Variants in CD247 observed in about 807,000 individuals in gnomAD.
CD247 encodes the protein CD247 molecule, also known as T-cell surface glycoprotein CD3 zeta chain.
CD247 carries 13 observed loss-of-function variants against 30.0 expected under a neutral mutation model. The ratio of observed to expected loss-of-function variants is 0.43; its 90% CI spans 0.28 to 0.69. The LOEUF is 0.69. Among genes scored for constraint, CD247 ranks in the 30% least tolerant of loss-of-function variants. The pLI, the probability that CD247 is intolerant of heterozygous loss-of-function variation, is 0.16. For synonymous variants in CD247, 72 were observed against 80.0 expected (o/e 0.90, Z 0.53); for missense variants, 193 against 212.6 (o/e 0.91, Z 0.57).
intron 1 of CD247, among the ~76,000 whole-genome samples, chr1:167,504,846 G>C (rs770692965): frequency 2.9e-4 from 44 of 152,288 alleles, no homozygotes; most frequent in Non-Finnish European, 4.4e-4. Context: ...TACCTTTTGG[G>C]ATCTCATCCG....
At chr1:167,510,371 C>G (rs1655336100) in intron 1 of CD247, among the ~76,000 whole-genome samples, 1 of 152,220 alleles carries the variant, frequency 6.6e-6, no homozygotes, top group Non-Finnish European at 1.5e-5. Flanking sequence ...GGCACAGACA[C>G]CTGCAACCAC....
At chr1:167,474,479 A>T (rs1318404124) in intron 1 of CD247, among the ~76,000 whole-genome samples, 1 of 152,086 alleles carries the variant, frequency 6.6e-6, no homozygotes, top group African/African-American at 2.4e-5. Flanking sequence ...TTTTTAGATA[A>T]CAGTGGCCAG....
intron 1 of CD247, 30 bp downstream of exon 1, chr1:167,518,378 A>T: frequency 6.2e-7 from 1 of 1,612,140 alleles, no homozygotes; most frequent in Non-Finnish European, 8.5e-7. Flanking sequence ...AGTTTCTAGA[A>T]GTTCCCTGCC....
In CD247 at chr1:167,434,036, A is replaced by G. The variant is rs1280232586; in HGVS notation, c.377T>C (p.Ile126Thr). ...AACACTCACCTCGCCTTTCATCCCA[A>G]TCTCACTGTAGGCCTCCGCCATCTT... ...KDKMAEAYSE[I>T]GMKGERRRGK... Residue 126 changes from isoleucine (I) to threonine (T), a missense_variant, in exon 6 of 8, where the codon ATT (isoleucine) becomes ACT (threonine). Coordinates refer to ENST00000362089, the MANE Select transcript of CD247 (RefSeq NM_198053.3). The G allele has an allele frequency of 1.9e-6, 3 of 1,614,092 alleles. No individual in the cohort carries two copies. Among genetic ancestry groups the G allele is most frequent in the Non-Finnish European group, 2.5e-6 (3 of 1,179,928 alleles).
intron 1 of CD247, among the ~76,000 whole-genome samples, chr1:167,458,968 CAA>C (rs753309464): frequency 2.1e-5 from 3 of 141,086 alleles, no homozygotes; most frequent in African/African-American, 5.2e-5. Context: ...ACTAAAAATA[CAA>C]AAAAAAAAAA....
At chr1:167,506,266 CTTTTCCTTTTCTTTTCTTTTCTT>C (rs777363155) in intron 1 of CD247, among the ~76,000 whole-genome samples, 1,831 of 16,258 alleles carry the variant, frequency 0.11, 50 homozygotes, top group African/African-American at 0.26. Context: ...CTTTTCTTTT[CTTTTCCTTTTCTTTTCTTTTCTT>C]TTTTCTTTTC....
In CD247 at chr1:167,462,445, G is replaced by A. The variant is rs552915635; in HGVS notation, c.59-21678C>T. 5.9e-5 allele frequency among the ~76,000 whole-genome samples: 9 copies of A among 152,322 alleles called. No homozygotes were observed. In the East Asian group the frequency reaches 7.7e-4, roughly 13 times the overall value. ...AGCTGTGCCTCCTATGGCTCTCCTC[G>A]ACACAGAAGTCACAACCCAGGTTGG... On this transcript the variant is annotated intron_variant, in intron 1 of 7. Coordinates refer to ENST00000362089, the MANE Select transcript of CD247 (RefSeq NM_198053.3).
chr1:167,439,999 A>G (rs1407016812), intron 2 of CD247: 1 of 165,084 alleles, frequency 6.1e-6, no homozygotes, highest in East Asian at 1.7e-4. Context: ...TTACAGATCT[A>G]GAGCATTGGA....
chr1:167,467,820 C>T (rs994035082), intron 1 of CD247, among the ~76,000 whole-genome samples: 8 of 152,194 alleles, frequency 5.3e-5, no homozygotes, highest in Non-Finnish European at 7.3e-5. Context: ...CGGTATGGTA[C>T]TTCTGTGGGC....
chr1:167,448,444 G>A (rs1193422622), intron 1 of CD247: 1 of 985,256 alleles, frequency 1.0e-6, no homozygotes, highest in Non-Finnish European at 1.2e-6. Context: ...TCATATTCTT[G>A]ACTCTACAAT....
intron 1 of CD247, among the ~76,000 whole-genome samples, chr1:167,482,827 C>T (rs968256129): frequency 6.6e-6 from 1 of 152,158 alleles, no homozygotes; most frequent in Non-Finnish European, 1.5e-5. Flanking sequence ...CTACCACAGC[C>T]TGTTAGGACA....
At chr1:167,508,289 A>G (rs924964393) in intron 1 of CD247, among the ~76,000 whole-genome samples, 1 of 152,018 alleles carries the variant, frequency 6.6e-6, no homozygotes, top group African/African-American at 2.4e-5. Flanking sequence ...AGTTTGCTTT[A>G]TAGCAGCCTC....
chr1:167,463,802 T>A (rs1023598472), intron 1 of CD247, among the ~76,000 whole-genome samples: 5 of 152,246 alleles, frequency 3.3e-5, no homozygotes, highest in Non-Finnish European at 7.3e-5. Flanking sequence ...TGCCTGAATT[T>A]AAATCAGCGA....
At chr1:167,506,221 T>A (rs1655106467) in intron 1 of CD247, among the ~76,000 whole-genome samples, 1 of 59,558 alleles carries the variant, frequency 1.7e-5, no homozygotes, top group Admixed American at 1.8e-4. Flanking sequence ...CATCTTTCTT[T>A]TTTCTTTTCT....
chr1:167,456,729 C>G (rs192710239), intron 1 of CD247, among the ~76,000 whole-genome samples: 1 of 152,312 alleles, frequency 6.6e-6, no homozygotes, highest in African/African-American at 2.4e-5. Context: ...TTGCAGAAAG[C>G]CTGCTCTGTG....
chr1:167,468,666 G>C (rs1030513136), intron 1 of CD247, among the ~76,000 whole-genome samples: 1 of 152,162 alleles, frequency 6.6e-6, no homozygotes, highest in Non-Finnish European at 1.5e-5. Context: ...CAGACACCTG[G>C]GAAGGGCTGG....
chr1:167,502,992 G>T (rs542910351), intron 1 of CD247, among the ~76,000 whole-genome samples: 1 of 152,302 alleles, frequency 6.6e-6, no homozygotes, highest in South Asian at 2.1e-4. Context: ...GTGGCACTTT[G>T]TTAAGGCAGC....
intron 1 of CD247, among the ~76,000 whole-genome samples, chr1:167,469,949 C>T (rs930362634): frequency 3.3e-5 from 5 of 152,026 alleles, no homozygotes; most frequent in East Asian, 3.9e-4. Flanking sequence ...GTCTCACTCT[C>T]GTCACCCAGG....
At chr1:167,504,739 G>A (rs1046682729) in intron 1 of CD247, among the ~76,000 whole-genome samples, 1 of 152,176 alleles carries the variant, frequency 6.6e-6, no homozygotes, top group East Asian at 1.9e-4. Flanking sequence ...TTAACGGGAC[G>A]CTAGGGCAGT....
Sources: allele counts gnomAD v4.1 joint callset (sites outside exome capture counted in the v4.1 genomes callset), GRCh38; gene constraint gnomAD v4.1.1; transcripts MANE v1.5; gene names NCBI Gene and HGNC (gene_info 2026-07-23, HGNC 2026-07-21).